The following KCNH5 variants were observed in gnomAD, a reference collection of about 807,000 sequenced individuals.
KCNH5 encodes potassium voltage-gated channel subfamily H member 5.
KCNH5 carries 46 observed loss-of-function variants against 96.1 expected under a neutral mutation model. The ratio of observed to expected loss-of-function variants is 0.48; its 90% CI spans 0.38 to 0.61. The LOEUF (loss-of-function observed/expected upper bound fraction) is 0.61. KCNH5 is among the 20% of genes least tolerant of loss of function. The pLI is 0.00. For synonymous variants in KCNH5, 439 were observed against 449.8 expected (o/e 0.98, Z 0.30); for missense variants, 907 against 1,225.8 (o/e 0.74, Z 3.88).
intron 6 of KCNH5, among the ~76,000 whole-genome samples, chr14:62,953,328 T>C (rs762116728): frequency 2.0e-5 from 3 of 152,100 alleles, no homozygotes; most frequent in Non-Finnish European, 2.9e-5. Flanking sequence ...TTCTATTTCA[T>C]GTTAGGATTC....
intron 9 of KCNH5, among the ~76,000 whole-genome samples, chr14:62,791,738 A>C (rs1241840748): frequency 1.3e-5 from 2 of 151,734 alleles, no homozygotes; most frequent in Admixed American, 6.6e-5. Flanking sequence ...CTGTAAATAT[A>C]TATGTACCCA....
chr14:63,032,403 G>A (rs537410733), intron 1 of KCNH5, among the ~76,000 whole-genome samples: 5 of 152,258 alleles, frequency 3.3e-5, no homozygotes, highest in African/African-American at 1.2e-4. Flanking sequence ...GCAGCTTCAA[G>A]TATCGACCCA....
chr14:63,031,108 A>AGGAAAAGAGTATCTAGTAGGG lies in KCNH5; in HGVS notation c.73+13985_73+14005dup, dbSNP rs1204070325. On this transcript the variant is annotated intron_variant, in intron 1 of 10. Coordinates refer to ENST00000322893, the MANE Select transcript of KCNH5 (RefSeq NM_139318.5). ...GGAAAATTAAAGACTCATCCAATAT[A>AGGAAAAGAGTATCTAGTAGGG]GGAAAAGAGTATCTAGTAGGGGGAA... Among the ~76,000 whole-genome samples, 154 of 152,150 alleles carry AGGAAAAGAGTATCTAGTAGGG rather than the reference A, an allele frequency of 1.0e-3. 1 individual carries two copies. The highest frequency in any genetic ancestry group is 3.6e-3 in the African/African-American group (148 of 41,488).
chr14:62,771,886 G>A (rs564191075), intron 10 of KCNH5, among the ~76,000 whole-genome samples: 2 of 152,226 alleles, frequency 1.3e-5, no homozygotes, highest in South Asian at 4.1e-4. Flanking sequence ...CTCTGGCCAT[G>A]ATCACTCAAT....
intron 7 of KCNH5, among the ~76,000 whole-genome samples, chr14:62,891,486 G>A (rs1047493881): frequency 6.6e-6 from 1 of 151,656 alleles, no homozygotes; most frequent in Non-Finnish European, 1.5e-5. Context: ...TAAAATAATC[G>A]GTACAACAAA....
At chr14:63,044,960 C>T (rs752442317) in intron 1 of KCNH5, among the ~76,000 whole-genome samples, 154 bp downstream of exon 1, 4 of 152,096 alleles carry the variant, frequency 2.6e-5, no homozygotes, top group African/African-American at 4.8e-5. Flanking sequence ...GCCACCCCAC[C>T]CCACCCCAAA....
chr14:62,947,519 A>T (rs900019090), intron 7 of KCNH5, among the ~76,000 whole-genome samples: 4 of 152,160 alleles, frequency 2.6e-5, no homozygotes, highest in South Asian at 2.1e-4. Context: ...GGTTCATTAG[A>T]CAAACAGAAG....
At chr14:62,753,176 CA>C (rs2139947046) in intron 10 of KCNH5, among the ~76,000 whole-genome samples, 2 of 152,188 alleles carry the variant, frequency 1.3e-5, no homozygotes, top group Admixed American at 1.3e-4. Flanking sequence ...AAGAATCAAA[CA>C]GAAATTCTGG....
chr14:62,715,078 G>T (rs184785245), intron 10 of KCNH5, among the ~76,000 whole-genome samples: 3 of 149,538 alleles, frequency 2.0e-5, no homozygotes, highest in Admixed American at 1.3e-4. Context: ...AGTGATAAAA[G>T]CTTCTTAAAC....
At chr14:62,732,781 GCTC>G (rs542069176) in intron 10 of KCNH5, among the ~76,000 whole-genome samples, 392 of 152,214 alleles carry the variant, frequency 2.6e-3, no homozygotes, top group Non-Finnish European at 4.7e-3. Context: ...TATTATCCCA[GCTC>G]CTCCTAGAGA....
intron 8 of KCNH5, among the ~76,000 whole-genome samples, chr14:62,846,974 T>G (rs1380349548): frequency 1.3e-5 from 2 of 148,884 alleles, no homozygotes; most frequent in African/African-American, 2.4e-5. Context: ...CTAATTTTTT[T>G]TATTTTTAGT....
Position 62,701,744 on chromosome 14 carries a change from G to A in KCNH5, c.*5764C>T, listed in dbSNP as rs531737130. 9.2e-5 allele frequency: 14 copies of A among 152,116 alleles called. No individual in the cohort carries two copies. The highest frequency in any genetic ancestry group is 8.8e-5 in the Non-Finnish European group (6 of 67,956). The allele number at this position is 152,116 out of a possible 1,614,324, so 9.4% of individuals were successfully genotyped here. On this transcript the variant is annotated 3_prime_UTR_variant, in exon 11 of 11. Coordinates refer to ENST00000322893, the MANE Select transcript of KCNH5 (RefSeq NM_139318.5). ...ACACTTGCTTTAGAAATCTCAAAGG[G>A]TAGAACAAATAAATCACATTCAGAA...
intron 10 of KCNH5, among the ~76,000 whole-genome samples, chr14:62,756,622 A>G (rs1885629927): frequency 1.3e-5 from 2 of 152,192 alleles, no homozygotes; most frequent in African/African-American, 4.8e-5. Context: ...ATGGAACAGA[A>G]TAGAGAATTC....
intron 7 of KCNH5, among the ~76,000 whole-genome samples, chr14:62,872,453 G>A (rs1393716670): frequency 4.6e-5 from 7 of 152,192 alleles, no homozygotes; most frequent in African/African-American, 1.4e-4. Flanking sequence ...GACTTTGGGA[G>A]GCTGAGGCGT....
intron 7 of KCNH5, among the ~76,000 whole-genome samples, chr14:62,900,659 A>G (rs1276457077): frequency 6.6e-6 from 1 of 152,142 alleles, no homozygotes; most frequent in African/African-American, 2.4e-5. Context: ...TCTGCATCCA[A>G]ATGAAAAAGT....
intron 10 of KCNH5, among the ~76,000 whole-genome samples, chr14:62,761,232 GT>G (rs11344236): frequency 0.041 from 6,215 of 151,976 alleles, 254 homozygotes; most frequent in African/African-American, 0.11. Context: ...GCGGGCGCTT[GT>G]AATCCCAGCT....
At chr14:62,792,276 AAAT>A (rs1366371622) in intron 9 of KCNH5, among the ~76,000 whole-genome samples, 2 of 151,604 alleles carry the variant, frequency 1.3e-5, no homozygotes, top group African/African-American at 2.4e-5. Flanking sequence ...TCAGAGAAGC[AAAT>A]AATAATTCTT....
chr14:62,712,875 T>C (rs2171877), intron 10 of KCNH5, among the ~76,000 whole-genome samples: 142,644 of 152,240 alleles, frequency 0.94, 67,448 homozygotes, highest in East Asian at 1. Context: ...TTGCAGCTTC[T>C]GGTCCCCTTC....
intron 7 of KCNH5, among the ~76,000 whole-genome samples, chr14:62,885,827 G>A (rs1403066945): frequency 6.6e-6 from 1 of 152,078 alleles, no homozygotes; most frequent in Non-Finnish European, 1.5e-5. Flanking sequence ...GTAGTAGAAG[G>A]GAGAAGCACA....
Sources: allele counts gnomAD v4.1 joint callset (sites outside exome capture counted in the v4.1 genomes callset), GRCh38; gene constraint gnomAD v4.1.1; transcripts MANE v1.5; gene names NCBI Gene and HGNC (gene_info 2026-07-23, HGNC 2026-07-21).